Variants in UBR4 observed in about 807,000 individuals in gnomAD.
UBR4 encodes ubiquitin protein ligase E3 component n-recognin 4, also known as E3 ubiquitin-protein ligase UBR4.
In UBR4, 124 loss-of-function variants were observed where a neutral mutation model predicts 575.6. That is an observed-to-expected ratio of 0.22 (90% confidence interval 0.19 to 0.25). The LOEUF is 0.25. Among genes scored for constraint, UBR4 ranks in the 10% least tolerant of loss-of-function variants. The probability of loss-of-function intolerance (pLI) is 1.00; values close to 1 mark genes in which losing one functional copy is unlikely to be tolerated. For synonymous variants in UBR4, 2,455 were observed against 2,473.7 expected (o/e 0.99, Z 0.22); for missense variants, 4,818 against 6,478.8 (o/e 0.74, Z 8.80).
intron 81 of UBR4, among the ~76,000 whole-genome samples, chr1:19,107,518 C>T (rs1419607820): frequency 1.3e-5 from 2 of 152,200 alleles, no homozygotes; most frequent in Non-Finnish European, 2.9e-5. Context: ...CGGTGACTCA[C>T]GCCTATAATC....
rs899009067 is a variant in UBR4 at position 19,100,839 on chromosome 1, T to C, written c.13024-266A>G. ...CAAAACAAGCAGACAAGGAGTGACA[T>C]ATGAGAGATATATTAAAAAATCGGG... On this transcript the variant is annotated intron_variant, in intron 88 of 105. Coordinates refer to ENST00000375254, the MANE Select transcript of UBR4 (RefSeq NM_020765.3). This position sits in a 1 kb window ranked among gnomAD's most constrained non-coding sequence, Gnocchi z 4.2. 6.6e-6 allele frequency among the ~76,000 whole-genome samples: 1 copy of C among 151,720 alleles called. No homozygotes were observed.
rs1415264482 is a variant in UBR4, at chr1:19,201,913, G to C, written c.177-98C>G. On this transcript the variant is annotated intron_variant, in intron 1 of 105. Coordinates refer to ENST00000375254, the MANE Select transcript of UBR4 (RefSeq NM_020765.3). ...TTACATTATTTAATCCTTACTACCT[G>C]GTAGATAGTATCATCAACCTATTCC... The C allele has an allele frequency of 3.0e-6, 3 of 1,000,490 alleles. No homozygotes were observed. In the East Asian group the frequency reaches 8.4e-5, roughly 28 times the overall value. The allele number at this position is 1,000,490 out of a possible 1,614,324, so 62.0% of individuals were successfully genotyped here.
intron 17 of UBR4, 134 bp downstream of exon 17, chr1:19,183,677 G>T: frequency 1.2e-6 from 1 of 849,860 alleles, no homozygotes; most frequent in Non-Finnish European, 1.9e-6. Context: ...AGCCAAGACC[G>T]TGTCACTGCA....
intron 13 of UBR4, 56 bp downstream of exon 13, chr1:19,187,079 TATATATATATATATATACATATATATATC>T: frequency 1.8e-6 from 1 of 569,080 alleles, no homozygotes; most frequent in East Asian, 1.4e-4. Flanking sequence ...GAAAGTTTTA[TATATATATATATATATACATATATATATC>T]ATATATATAA....
chr1:19,193,491 G>A lies in UBR4; in HGVS notation c.1085C>T (p.Ser362Phe), dbSNP rs1425383845. Residue 362 changes from serine (S) to phenylalanine (F), a missense_variant, in exon 9 of 106, where the codon TCC becomes TTC. Physicochemically the swap from Ser to Phe is radical, Grantham distance 155 (BLOSUM62 -2). Around this residue, in one of 29 missense-constraint regions of UBR4, gnomAD observed 131 missense variants for 214.5 expected, o/e 0.61. Coordinates refer to ENST00000375254, the MANE Select transcript of UBR4 (RefSeq NM_020765.3). ...VGSAQQVRTG[S>F]TSSKEDDYES... ...ATAGTCATCTTCTTTGGAGCTCGTG[G>A]ACCCTGTCCGCACTTGCTGGGCACT... 1 of 1,614,006 alleles carries A rather than the reference G, an allele frequency of 6.2e-7. No individual in the cohort carries two copies. Among genetic ancestry groups the A allele is most frequent in the Non-Finnish European group, 8.5e-7 (1 of 1,180,036 alleles).
chr1:19,087,724 TA>T, intron 99 of UBR4, 91 bp downstream of exon 99: 1 of 1,031,834 alleles, frequency 9.7e-7, no homozygotes, highest in Non-Finnish European at 1.5e-6. Context: ...CTTGCCTAGC[TA>T]AGAACAAAAT....
intron 11 of UBR4, among the ~76,000 whole-genome samples, chr1:19,188,634 T>C (rs1347682900): frequency 6.6e-6 from 1 of 152,178 alleles, no homozygotes; most frequent in East Asian, 1.9e-4. Flanking sequence ...AAAAGGTTAA[T>C]ATATATGATT....
At chr1:19,170,391 C>T (rs905261493) in intron 26 of UBR4, among the ~76,000 whole-genome samples, 2 of 152,144 alleles carry the variant, frequency 1.3e-5, no homozygotes, top group African/African-American at 2.4e-5. Flanking sequence ...AGGGCAAGAC[C>T]CTGCCAAGAG....
At chr1:19,078,893 A>C (rs2076220982) in intron 103 of UBR4, 1 of 152,208 alleles carries the variant, frequency 6.6e-6, no homozygotes, top group Non-Finnish European at 1.5e-5. Flanking sequence ...AAACACAGAA[A>C]TATCAGGCTC....
Position 19,165,358 on chromosome 1 carries a change from C to A in UBR4, c.4212-9G>T. On this transcript the variant is annotated splice_polypyrimidine_tract_variant and intron_variant, in intron 30 of 105. Transcript: ENST00000375254. ...TCTGTACAAGTTCTCCACTGGGAGG[C>A]AAGATGGGAGAAAAATGGAAAGAAT... The A allele has an allele frequency of 1.2e-6, 2 of 1,600,530 alleles. No individual in the cohort carries two copies. Among genetic ancestry groups the A allele is most frequent in the Admixed American group, 1.7e-5 (1 of 58,680 alleles).
intron 30 of UBR4, 137 bp from the exon 31 acceptor site, chr1:19,165,486 A>T: frequency 9.6e-7 from 1 of 1,039,974 alleles, no homozygotes; most frequent in Non-Finnish European, 1.4e-6. Context: ...TCATGAAATT[A>T]ACCCCCTCAC....
At position 19,156,920 on chromosome 1, in the gene UBR4, G is replaced by A. The variant is rs758496804; in HGVS notation, c.5766C>T (p.Thr1922=). Residue 1922 remains threonine (T), a synonymous_variant, in exon 41 of 106, where the codon ACC becomes ACT. Coordinates refer to ENST00000375254, the MANE Select transcript of UBR4 (RefSeq NM_020765.3). ...LAVSHEKGKI[T]VLQLSALLKQ... ...TCAGGAGTGCAGAGAGCTGCAGAAC[G>A]GTGATCTGCAAAGGAACAATGACTA... 1.8e-4 allele frequency: 287 copies of A among 1,613,170 alleles called. No individual in the cohort carries two copies. Among genetic ancestry groups the A allele is most frequent in the Non-Finnish European group, 2.3e-4 (271 of 1,179,580 alleles).
chr1:19,165,167 G>T, intron 31 of UBR4, 82 bp downstream of exon 31: 1 of 1,491,844 alleles, frequency 6.7e-7, no homozygotes, highest in Non-Finnish European at 9.3e-7. Context: ...TCATGCTGTA[G>T]TTAAACTCAG....
chr1:19,197,890 T>C, intron 6 of UBR4, 57 bp downstream of exon 6: 1 of 1,612,300 alleles, frequency 6.2e-7, no homozygotes, highest in Non-Finnish European at 8.5e-7. Context: ...AGAAGCACAC[T>C]TAAGGAATTT....
At chr1:19,121,106 C>A in intron 68 of UBR4, 83 bp downstream of exon 68, 4 of 1,533,706 alleles carry the variant, frequency 2.6e-6, no homozygotes, top group Non-Finnish European at 3.5e-6. Context: ...ATTAAAAGAC[C>A]TTTTACAACA....
chr1:19,185,276 A>G lies in UBR4; in HGVS notation c.1761T>C (p.Ser587=). The G allele has an allele frequency of 6.4e-7, 1 of 1,573,134 alleles. No homozygotes were observed. The highest frequency in any genetic ancestry group is 8.6e-7 in the Non-Finnish European group (1 of 1,164,408). ...TEEDSSQDDD[S]EPILGQWFEE... Reference sequence around the variant, plus strand: ...CAAACCATTGCCCCAAAATAGGCTCACTGTCATCGTCTGAATAGAGAAAGA... The same window carrying G: ...CAAACCATTGCCCCAAAATAGGCTCGCTGTCATCGTCTGAATAGAGAAAGA... The change falls in exon 15 of 106, where the codon AGT becomes AGC. Residue 587 remains serine, a synonymous_variant. Coordinates refer to ENST00000375254, the MANE Select transcript of UBR4 (RefSeq NM_020765.3).
intron 87 of UBR4, among the ~76,000 whole-genome samples, chr1:19,103,229 T>C (rs1162492710): frequency 2.6e-5 from 4 of 152,210 alleles, no homozygotes; most frequent in Admixed American, 2.0e-4. Flanking sequence ...TTTAGAATTA[T>C]CAGACACAAA....
rs756800497 is a variant in UBR4, at chr1:19,120,372, G to A, written c.10142-24C>T. On this transcript the variant is annotated intron_variant, in intron 68 of 105. Transcript: ENST00000375254. ...ACCTGCAAGATTAGGACAGGACTAA[G>A]GGCTGAAGAGTAGGAAGAAGTCCTC... The A allele has an allele frequency of 1.2e-5, 20 of 1,608,790 alleles. No individual in the cohort carries two copies. The African/African-American group carries it at 1.7e-4, about 14-fold the overall frequency.
chr1:19,163,651 T>C, intron 34 of UBR4, 113 bp downstream of exon 34: 1 of 1,158,170 alleles, frequency 8.6e-7, no homozygotes, highest in Non-Finnish European at 1.3e-6. Context: ...AGCCTTATCC[T>C]TGGTAGGCTA....
Sources: allele counts gnomAD v4.1 joint callset (sites outside exome capture counted in the v4.1 genomes callset), GRCh38; gene constraint gnomAD v4.1.1; regional missense constraint gnomAD v4.1.1; non-coding constraint Gnocchi (gnomAD v3.1); transcripts MANE v1.5; gene names NCBI Gene and HGNC (gene_info 2026-07-23, HGNC 2026-07-21).